The following POLR3B variants were observed in gnomAD, a reference collection of about 807,000 sequenced individuals.
POLR3B encodes the protein DNA-directed RNA polymerase III subunit RPC2.
POLR3B carries 96 observed loss-of-function variants against 147.4 expected under a neutral mutation model. The ratio of observed to expected loss-of-function variants is 0.65; its 90% CI spans 0.55 to 0.77. The LOEUF is 0.77. Ranked by LOEUF, POLR3B falls within the 30% of genes least tolerant of loss-of-function variation. The pLI, the probability that POLR3B is intolerant of heterozygous loss-of-function variation, is 0.00. For synonymous variants in POLR3B, 461 were observed against 485.9 expected (o/e 0.95, Z 0.67); for missense variants, 1,036 against 1,413.5 (o/e 0.73, Z 4.28).
At chr12:106,384,149 G>A (rs1312772343) in intron 9 of POLR3B, among the ~76,000 whole-genome samples, 7 of 152,124 alleles carry the variant, frequency 4.6e-5, no homozygotes, top group Non-Finnish European at 1.0e-4. Context: ...GGGTCAATCT[G>A]GAAGCAGGGA....
intron 27 of POLR3B, among the ~76,000 whole-genome samples, chr12:106,505,449 G>A (rs1315678544): frequency 6.6e-6 from 1 of 152,024 alleles, no homozygotes; most frequent in Non-Finnish European, 1.5e-5. Context: ...CACCACGCCT[G>A]ACTAACTTTT....
chr12:106,459,424 T>A, intron 22 of POLR3B, 56 bp downstream of exon 22: 1 of 980,360 alleles, frequency 1.0e-6, no homozygotes. Flanking sequence ...AGAGAAGAAA[T>A]GGGAGAAATT....
At chr12:106,412,345 A>C (rs2037239509) in intron 12 of POLR3B, among the ~76,000 whole-genome samples, 1 of 152,156 alleles carries the variant, frequency 6.6e-6, no homozygotes, top group Non-Finnish European at 1.5e-5. Flanking sequence ...ATTTAGATAG[A>C]GTTTAAATGT....
chr12:106,409,374 T>TTTG lies in POLR3B; in HGVS notation c.967-1452_967-1451insTTG, dbSNP rs2037193443. 2.1e-5 allele frequency among the ~76,000 whole-genome samples: 3 copies of TTTG among 146,062 alleles called. 1 individual carries two copies. The South Asian group carries it at 6.5e-4, about 32-fold the overall frequency. ...TTTTTTGTTTTTTTTTTTTTTTTCT[T>TTTG]GAGGATGGACAAGAGCCTTTTCTTT... is the stretch of plus-strand genomic sequence containing the variant. On this transcript the variant is annotated intron_variant, in intron 11 of 27. Coordinates refer to ENST00000228347, the MANE Select transcript of POLR3B (RefSeq NM_018082.6).
rs1372348471 is a variant in POLR3B, at chr12:106,359,498, A to T, written c.72+1547A>T. Among the ~76,000 whole-genome samples, 3 of 151,548 alleles carry T rather than the reference A, an allele frequency of 2.0e-5. No individual in the cohort carries two copies. The East Asian group carries it at 5.8e-4, about 30-fold the overall frequency. ...AGGCGCCCACCATCACCGCCAGCTA[A>T]TTTTTGTATTTTTAGTAGAGACGGG... is the stretch of plus-strand genomic sequence containing the variant. On this transcript the variant is annotated intron_variant, in intron 1 of 27. Transcript: ENST00000228347.
chr12:106,453,311 C>T (rs1287316441), intron 19 of POLR3B, among the ~76,000 whole-genome samples: 2 of 152,064 alleles, frequency 1.3e-5, no homozygotes, highest in Non-Finnish European at 2.9e-5. Flanking sequence ...CACGCCCAGC[C>T]TGAATAGCTT....
chr12:106,432,256 T>C, intron 14 of POLR3B, 62 bp from the exon 15 acceptor site: 2 of 1,471,196 alleles, frequency 1.4e-6, no homozygotes, highest in Non-Finnish European at 1.9e-6. Context: ...TATTTTCAGA[T>C]GTAAACTGTA....
At chr12:106,436,336 C>A (rs1415589451) in intron 16 of POLR3B, among the ~76,000 whole-genome samples, 1 of 152,190 alleles carries the variant, frequency 6.6e-6, no homozygotes, top group Admixed American at 6.5e-5. Flanking sequence ...CTCATGGTGG[C>A]AAAGCCCTCC....
At chr12:106,409,733 A>G (rs2037200512) in intron 11 of POLR3B, among the ~76,000 whole-genome samples, 1 of 151,962 alleles carries the variant, frequency 6.6e-6, no homozygotes, top group Non-Finnish European at 1.5e-5. Context: ...ATTTTATAAA[A>G]GAGATTTCAT....
chr12:106,376,504 C>T (rs538382407), intron 7 of POLR3B, 54 bp downstream of exon 7: 270 of 1,226,550 alleles, frequency 2.2e-4, no homozygotes, highest in Non-Finnish European at 3.1e-4. Context: ...TATTCTGCTG[C>T]TGCTGTGGTT....
At chr12:106,414,119 G>A (rs2037268006) in intron 12 of POLR3B, among the ~76,000 whole-genome samples, 1 of 148,312 alleles carries the variant, frequency 6.7e-6, no homozygotes, top group South Asian at 2.1e-4. Flanking sequence ...TAATTATCAG[G>A]TGGACCACTA....
At chr12:106,479,816 T>TTTCTTTTCTTTTCTC (rs1487209622) in intron 23 of POLR3B, among the ~76,000 whole-genome samples, 1 of 150,638 alleles carries the variant, frequency 6.6e-6, no homozygotes, top group African/African-American at 2.5e-5. Context: ...TTTCTTTTCT[T>TTTCTTTTCTTTTCTC]TTCTTTTCTT....
chr12:106,378,192 C>T, intron 7 of POLR3B, 75 bp from the exon 8 acceptor site: 1 of 905,434 alleles, frequency 1.1e-6, no homozygotes, highest in African/African-American at 1.6e-5. Flanking sequence ...CTCTGATTCA[C>T]AAGATTCCTG....
intron 23 of POLR3B, among the ~76,000 whole-genome samples, chr12:106,469,684 G>A (rs930385561): frequency 4.6e-5 from 7 of 152,252 alleles, no homozygotes; most frequent in South Asian, 2.1e-4. Context: ...GTCTGTAAAG[G>A]ATTTTATTTC....
At chr12:106,361,940 G>T (rs1408327137) in intron 1 of POLR3B, among the ~76,000 whole-genome samples, 1 of 152,186 alleles carries the variant, frequency 6.6e-6, no homozygotes, top group Admixed American at 6.5e-5. Flanking sequence ...AGCAGCCTTG[G>T]TGACCTCTGT....
At chr12:106,406,312 T>G (rs986830783) in intron 11 of POLR3B, among the ~76,000 whole-genome samples, 2 of 152,226 alleles carry the variant, frequency 1.3e-5, no homozygotes, top group African/African-American at 4.8e-5. Flanking sequence ...TATAAATAAA[T>G]TAAAATAAGC....
At chr12:106,492,354 T>C (rs1565914167) in intron 23 of POLR3B, among the ~76,000 whole-genome samples, 1 of 151,948 alleles carries the variant, frequency 6.6e-6, no homozygotes, top group Non-Finnish European at 1.5e-5. Flanking sequence ...GAGACCAGCC[T>C]GGGCAACATA....
At chr12:106,485,572 A>G (rs577952245) in intron 23 of POLR3B, among the ~76,000 whole-genome samples, 3 of 152,320 alleles carry the variant, frequency 2.0e-5, no homozygotes, top group East Asian at 3.9e-4. Context: ...GATTCTGGAC[A>G]TACTCTGGAG....
chr12:106,413,146 A>G (rs114817769), intron 12 of POLR3B, among the ~76,000 whole-genome samples: 105 of 152,092 alleles, frequency 6.9e-4, no homozygotes, highest in African/African-American at 2.4e-3. Flanking sequence ...AAAGAGTCCT[A>G]TTTGTCTATT....
Sources: allele counts gnomAD v4.1 joint callset (sites outside exome capture counted in the v4.1 genomes callset), GRCh38; gene constraint gnomAD v4.1.1; transcripts MANE v1.5; gene names NCBI Gene and HGNC (gene_info 2026-07-23, HGNC 2026-07-21).